CYTH1: variants seen among roughly 807,000 people sequenced by gnomAD.
The protein encoded by CYTH1 is cytohesin 1.
Under a neutral mutation model 61.8 loss-of-function variants are expected in CYTH1, and 18 were observed. The ratio of observed to expected loss-of-function variants is 0.29; its 90% confidence interval spans 0.20 to 0.43. The LOEUF (loss-of-function observed/expected upper bound fraction) is 0.43. Ranked by LOEUF, CYTH1 falls within the 20% of genes least tolerant of loss-of-function variation. The pLI is 1.00. For synonymous variants in CYTH1, 174 were observed against 184.3 expected, an observed-to-expected ratio of 0.94 and a Z score of 0.45; for missense variants, 336 against 510.5, an observed-to-expected ratio of 0.66 and a Z score of 3.29.
intron 1 of CYTH1, among the ~76,000 whole-genome samples, chr17:78,763,017 G>C (rs111982864): frequency 6.6e-6 from 1 of 152,102 alleles, no homozygotes; most frequent in African/African-American, 2.4e-5. Context: ...GGAAATGTCC[G>C]TCCGGCTGCT....
intron 1 of CYTH1, among the ~76,000 whole-genome samples, chr17:78,772,118 C>T (rs1166769768): frequency 6.6e-6 from 1 of 152,074 alleles, no homozygotes; most frequent in Non-Finnish European, 1.5e-5. Flanking sequence ...AGTGTGGCAA[C>T]GGAGCAAATG....
At chr17:78,770,077 G>A (rs1392479318) in intron 1 of CYTH1, among the ~76,000 whole-genome samples, 12 of 151,774 alleles carry the variant, frequency 7.9e-5, no homozygotes. Flanking sequence ...CTAAGCCAGG[G>A]AGTCAGAGGT....
intron 1 of CYTH1, among the ~76,000 whole-genome samples, chr17:78,726,303 A>C (rs1478501425): frequency 1.3e-5 from 2 of 151,900 alleles, no homozygotes; most frequent in African/African-American, 4.8e-5. Context: ...CAGCCTCCCA[A>C]AGTGCTAGGA....
intron 11 of CYTH1, 46 bp from the exon 12 acceptor site, chr17:78,681,088 A>C (rs1268909669): frequency 6.3e-6 from 10 of 1,584,662 alleles, no homozygotes; most frequent in African/African-American, 1.4e-5. Flanking sequence ...CAGTTTAAGG[A>C]CACACACTGT....
intron 1 of CYTH1, among the ~76,000 whole-genome samples, chr17:78,732,897 G>T (rs2093302052): frequency 6.6e-6 from 1 of 151,982 alleles, no homozygotes; most frequent in African/African-American, 2.4e-5. Context: ...GGCCATCCTG[G>T]CCAACATGGT....
At chr17:78,761,982 C>T (rs1225307647) in intron 1 of CYTH1, among the ~76,000 whole-genome samples, 1 of 152,186 alleles carries the variant, frequency 6.6e-6, no homozygotes, top group Non-Finnish European at 1.5e-5. Flanking sequence ...AGCATCTGGC[C>T]TGCTTCCTCC....
At chr17:78,769,030 C>G (rs1463380083) in intron 1 of CYTH1, among the ~76,000 whole-genome samples, 1 of 151,890 alleles carries the variant, frequency 6.6e-6, no homozygotes, top group East Asian at 1.9e-4. Flanking sequence ...CCTGTAATCA[C>G]AGCTACTCAG....
Position 78,747,145 on chromosome 17 carries a change from C to CAAAAAAAAAAA in CYTH1, c.22+35046_22+35056dup, listed in dbSNP as rs56201341. 8.6e-5 allele frequency among the ~76,000 whole-genome samples: 5 copies of CAAAAAAAAAAA among 57,830 alleles called. 1 individual carries two copies. The highest frequency in any genetic ancestry group is 2.7e-4 in the Admixed American group (1 of 3,666). The allele number at this position is 57,830 out of a possible 152,430, so 37.9% of individuals were successfully genotyped here. On this transcript the variant is annotated intron_variant, in intron 1 of 13. Transcript: ENST00000446868. The stretch of plus-strand genomic sequence containing the variant: ...TGGAGGACACAGGTAATGGCAGCGC[C>CAAAAAAAAAAA]AAAAAAAAAAAAAAAAAAAAAAAAA...
rs558834461 is a variant in CYTH1, at chr17:78,718,824, A to G, written c.23-9092T>C. On this transcript the variant is annotated intron_variant, in intron 1 of 13. Coordinates refer to ENST00000446868, the MANE Select transcript of CYTH1 (RefSeq NM_004762.6). The stretch of plus-strand genomic sequence containing the variant: ...ATGGAAAAGATAAAGCTGTGAGCAC[A>G]AATAGGTGCCCAACAAATGCCAAAT... Among the ~76,000 whole-genome samples the G allele has an allele frequency of 4.6e-5, 7 of 152,358 alleles. No homozygotes were observed. In the South Asian group the frequency reaches 1.4e-3, roughly 32 times the overall value.
chr17:78,714,315 A>C (rs185070062), intron 1 of CYTH1, among the ~76,000 whole-genome samples: 276 of 152,272 alleles, frequency 1.8e-3, no homozygotes, highest in Middle Eastern at 0.01. Context: ...TTTAAAAAAA[A>C]TAGTAAAGGA....
rs548557653 is a variant in CYTH1, at chr17:78,739,598, C to T, written c.23-29866G>A. Among the ~76,000 whole-genome samples the T allele has an allele frequency of 2.6e-5, 4 of 152,262 alleles. No homozygotes were observed. In the East Asian group the frequency reaches 7.7e-4, roughly 29 times the overall value. ...GGGGCCTTGGCAGCTATTTTAAGGA[C>T]TCTGGTTTCCATTCTGGGTGAGATG... On this transcript the variant is annotated intron_variant, in intron 1 of 13. Coordinates refer to ENST00000446868, the MANE Select transcript of CYTH1 (RefSeq NM_004762.6).
intron 1 of CYTH1, among the ~76,000 whole-genome samples, chr17:78,748,369 C>T (rs1204486155): frequency 1.3e-5 from 2 of 152,216 alleles, no homozygotes; most frequent in African/African-American, 4.8e-5. Flanking sequence ...AGTTTCAACA[C>T]AGTCCTGGGT....
intron 1 of CYTH1, among the ~76,000 whole-genome samples, chr17:78,720,092 G>C (rs762815928): frequency 1.3e-5 from 2 of 152,116 alleles, no homozygotes; most frequent in Non-Finnish European, 2.9e-5. Flanking sequence ...CCAGGGGCTG[G>C]GGAGAGGGGG....
chr17:78,676,305 T>A (rs2092698128), intron 13 of CYTH1, 136 bp from the exon 14 acceptor site: 2 of 750,442 alleles, frequency 2.7e-6, no homozygotes, highest in Admixed American at 5.1e-5. Context: ...AAGGCCAAGT[T>A]AGCGTCCTCC....
intron 1 of CYTH1, among the ~76,000 whole-genome samples, chr17:78,775,569 AT>A (rs2093487710): frequency 6.6e-6 from 1 of 152,212 alleles, no homozygotes; most frequent in African/African-American, 2.4e-5. Context: ...GTTTTAGATA[AT>A]GAATTAGTTC....
chr17:78,677,230 GTGT>G (rs1167416644), intron 13 of CYTH1: 1 of 382,256 alleles, frequency 2.6e-6, no homozygotes, highest in Non-Finnish European at 5.2e-6. Context: ...ATGTTTGGAG[GTGT>G]TGGGGTGAAT....
intron 1 of CYTH1, among the ~76,000 whole-genome samples, chr17:78,731,683 G>A (rs1251998814): frequency 3.3e-5 from 5 of 151,246 alleles, no homozygotes; most frequent in Non-Finnish European, 5.9e-5. Flanking sequence ...GCGTGAACCC[G>A]GGAGGCGAAG....
intron 1 of CYTH1, among the ~76,000 whole-genome samples, chr17:78,720,752 G>A (rs2093221070): frequency 6.6e-6 from 1 of 152,218 alleles, no homozygotes; most frequent in African/African-American, 2.4e-5. Context: ...GCACGCACTT[G>A]TAGTCCCAGC....
chr17:78,703,919 C>T (rs186782029), intron 3 of CYTH1, among the ~76,000 whole-genome samples: 2 of 152,294 alleles, frequency 1.3e-5, no homozygotes, highest in East Asian at 1.9e-4. Flanking sequence ...TGTGTGGACA[C>T]GTTTTCATTT....
Sources: gnomAD v4.1 joint callset for allele counts (sites outside exome capture counted in the v4.1 genomes callset) on GRCh38, gnomAD v4.1.1 for gene constraint, MANE v1.5 for transcripts, NCBI Gene and HGNC (gene_info 2026-07-23, HGNC 2026-07-21) for gene names.